Variants in STARD9 observed in about 807,000 individuals in gnomAD.
STARD9 encodes the protein stAR-related lipid transfer protein 9.
Under a neutral mutation model 399.8 loss-of-function variants are expected in STARD9, and 346 were observed. That is an observed-to-expected ratio of 0.87 (90% CI 0.79 to 0.95). STARD9 has a LOEUF of 0.95. Among genes scored for constraint, STARD9 ranks in the 40% least tolerant of loss-of-function variants. The pLI, the probability that STARD9 is intolerant of heterozygous loss-of-function variation, is 0.00. For missense variants in STARD9, 5,832 were observed against 5,667.5 expected, an observed-to-expected ratio of 1.03 and a Z score of -0.93; for synonymous variants, 2,203 against 2,143.5, an observed-to-expected ratio of 1.03 and a Z score of -0.77.
At chr15:42,681,648 C>T in intron 21 of STARD9, 36 bp downstream of exon 21, 1 of 1,475,548 alleles carries the variant, frequency 6.8e-7, no homozygotes, top group East Asian at 2.5e-5. Flanking sequence ...TGCCTCACCT[C>T]CTTATTCTTT....
chr15:42,618,763 A>AT (rs1181965913), intron 3 of STARD9, among the ~76,000 whole-genome samples: 3 of 150,924 alleles, frequency 2.0e-5, no homozygotes, highest in Admixed American at 2.0e-4. Context: ...CGCCTGGCTA[A>AT]TTTTTGTATT....
Position 42,663,869 on chromosome 15 carries a change from A to G in STARD9, c.1128A>G (p.Arg376=). The change falls in exon 13 of 33, where the codon AGA becomes AGG. Residue 376 remains arginine, a synonymous_variant. Transcript: ENST00000290607. Reference sequence around the variant, plus strand: ...ACAGTGAGACCATGAGCACACTGAGATATGCATCCAGTGCCAAAAACATTA... The same window carrying G: ...ACAGTGAGACCATGAGCACACTGAGGTATGCATCCAGTGCCAAAAACATTA... ...TSYSETMSTL[R]YASSAKNIIN... is the part of the protein sequence containing the mutation. 1 of 1,537,062 alleles carries G rather than the reference A, an allele frequency of 6.5e-7. No individual in the cohort carries two copies. The highest frequency in any genetic ancestry group is 8.7e-7 in the Non-Finnish European group (1 of 1,146,730).
intron 3 of STARD9, among the ~76,000 whole-genome samples, chr15:42,598,914 T>C (rs2058568448): frequency 6.6e-6 from 1 of 152,128 alleles, no homozygotes; most frequent in South Asian, 2.1e-4. Flanking sequence ...TCTCTGTTTT[T>C]TTTGTTGTTG....
intron 16 of STARD9, among the ~76,000 whole-genome samples, chr15:42,673,663 A>C (rs1273949484): frequency 6.6e-6 from 1 of 152,214 alleles, no homozygotes. Flanking sequence ...CATAATGCCT[A>C]GGACATATTG....
At chr15:42,584,617 A>G (rs1014614090) in intron 2 of STARD9, among the ~76,000 whole-genome samples, 3 of 152,156 alleles carry the variant, frequency 2.0e-5, no homozygotes, top group Non-Finnish European at 2.9e-5. Context: ...AAGATAAGGC[A>G]TTTCTGTGAA....
intron 3 of STARD9, among the ~76,000 whole-genome samples, chr15:42,608,428 G>A (rs938770829): frequency 1.3e-5 from 2 of 152,112 alleles, no homozygotes; most frequent in African/African-American, 4.8e-5. Context: ...CAATGAAACC[G>A]GAATTGTCTC....
At chr15:42,683,871 C>T (rs1048288184) in intron 22 of STARD9, among the ~76,000 whole-genome samples, 4 of 152,064 alleles carry the variant, frequency 2.6e-5, no homozygotes, top group Non-Finnish European at 5.9e-5. Context: ...GGAAGCTTTC[C>T]CTACAAGTGT....
intron 26 of STARD9, among the ~76,000 whole-genome samples, chr15:42,701,291 G>A (rs776514720): frequency 4.6e-5 from 7 of 152,146 alleles, no homozygotes; most frequent in African/African-American, 7.2e-5. Flanking sequence ...AATGTTATTC[G>A]TATTTTGATA....
At chr15:42,674,261 C>T (rs973070870) in intron 16 of STARD9, among the ~76,000 whole-genome samples, 179 bp from the exon 17 acceptor site, 6 of 152,078 alleles carry the variant, frequency 3.9e-5, no homozygotes, top group African/African-American at 1.4e-4. Flanking sequence ...AGTGAGTGGG[C>T]AGAGGGTCAG....
intron 8 of STARD9, 116 bp downstream of exon 8, chr15:42,651,201 T>A (rs1051565277): frequency 1.2e-5 from 8 of 654,928 alleles, no homozygotes; most frequent in Non-Finnish European, 2.0e-5. Flanking sequence ...TGTAGAGATG[T>A]TCACAACCAG....
chr15:42,581,788 T>G (rs2058177682), intron 1 of STARD9, among the ~76,000 whole-genome samples: 1 of 152,228 alleles, frequency 6.6e-6, no homozygotes, highest in Admixed American at 6.5e-5. Flanking sequence ...TTATGAACAT[T>G]TGATAAAAGA....
At chr15:42,626,360 TTCCTCTTCTTCC>T in intron 3 of STARD9, among the ~76,000 whole-genome samples, 1 of 149,090 alleles carries the variant, frequency 6.7e-6, no homozygotes, top group South Asian at 2.2e-4. Context: ...CTTCTTCCTC[TTCCTCTTCTTCC>T]TCCTCTTCCT....
chr15:42,591,754 AT>A, intron 3 of STARD9, among the ~76,000 whole-genome samples: 1 of 152,348 alleles, frequency 6.6e-6, no homozygotes, highest in South Asian at 2.1e-4. Flanking sequence ...GCCTGAGTAA[AT>A]AGATCAGTTG....
chr15:42,632,086 T>C (rs1039811516), intron 3 of STARD9, among the ~76,000 whole-genome samples: 1 of 152,194 alleles, frequency 6.6e-6, no homozygotes, highest in Non-Finnish European at 1.5e-5. Context: ...TCTCTTTAGC[T>C]CTAATAATAT....
At chr15:42,617,402 G>A (rs2058988377) in intron 3 of STARD9, among the ~76,000 whole-genome samples, 1 of 151,766 alleles carries the variant, frequency 6.6e-6, no homozygotes, top group Non-Finnish European at 1.5e-5. Flanking sequence ...TGCTCTTCTT[G>A]TCCAGGCTGG....
At chr15:42,628,914 C>A (rs1566886942) in intron 3 of STARD9, among the ~76,000 whole-genome samples, 1 of 152,248 alleles carries the variant, frequency 6.6e-6, no homozygotes, top group East Asian at 1.9e-4. Context: ...TATTCTGGGT[C>A]TTCTGTGGTT....
rs1017124472 is a variant in STARD9, at chr15:42,682,593, C to G, written c.2537+18C>G. 2.0e-6 allele frequency: 3 copies of G among 1,499,488 alleles called. No homozygotes were observed. The African/African-American group carries it at 4.2e-5, about 21-fold the overall frequency. The allele number at this position is 1,499,488 out of a possible 1,614,324, so 92.9% of individuals were successfully genotyped here. On this transcript the variant is annotated intron_variant, in intron 22 of 32. Coordinates refer to ENST00000290607, the MANE Select transcript of STARD9 (RefSeq NM_020759.3). ...CTACACAGGTACAGCCAGTAGTTGT[C>G]ACTGGGAAGCACTCGGTTAAAGTTT...
intron 3 of STARD9, among the ~76,000 whole-genome samples, chr15:42,633,779 A>T (rs887558600): frequency 6.6e-6 from 1 of 151,282 alleles, no homozygotes; most frequent in African/African-American, 2.4e-5. Context: ...AGTAGCTGGG[A>T]TTATAGGTGC....
chr15:42,705,979 C>G (rs898798138), intron 26 of STARD9, among the ~76,000 whole-genome samples: 1 of 151,818 alleles, frequency 6.6e-6, no homozygotes, highest in African/African-American at 2.4e-5. Flanking sequence ...TCTCAAACTC[C>G]TAACCTCGAG....
Sources: allele counts gnomAD v4.1 joint callset (sites outside exome capture counted in the v4.1 genomes callset), GRCh38; gene constraint gnomAD v4.1.1; transcripts MANE v1.5; gene names NCBI Gene and HGNC (gene_info 2026-07-23, HGNC 2026-07-21).